The following SNRPC variants were observed in gnomAD, a reference collection of about 807,000 sequenced individuals.
SNRPC encodes the protein U1 small nuclear ribonucleoprotein C.
A neutral mutation model predicts 20.0 loss-of-function variants in SNRPC; 5 were observed. That is an observed-to-expected ratio of 0.25 (90% CI 0.13 to 0.53). The LOEUF (loss-of-function observed/expected upper bound fraction) is 0.53. SNRPC is among the 20% of genes least tolerant of loss of function. SNRPC has a pLI of 0.96. For synonymous variants in SNRPC, 61 were observed against 58.7 expected (o/e 1.04, Z -0.18); for missense variants, 112 against 224.1 (o/e 0.50, Z 3.19).
chr6:34,771,328 C>CAA (rs774284128), intron 5 of SNRPC, among the ~76,000 whole-genome samples: 18 of 63,608 alleles, frequency 2.8e-4, no homozygotes, highest in Non-Finnish European at 4.4e-4. Context: ...GACTGTGTCT[C>CAA]AAAAAAAAAA....
At chr6:34,764,707 T>C (rs935249549) in intron 3 of SNRPC, among the ~76,000 whole-genome samples, 2 of 151,526 alleles carry the variant, frequency 1.3e-5, no homozygotes, top group African/African-American at 2.4e-5. Flanking sequence ...GCAAAACTAT[T>C]GTGGAAATTT....
At chr6:34,768,447 A>G (rs1484066317) in intron 4 of SNRPC, among the ~76,000 whole-genome samples, 1 of 152,156 alleles carries the variant, frequency 6.6e-6, no homozygotes, top group Non-Finnish European at 1.5e-5. Flanking sequence ...ACCAAAATCT[A>G]TACCTTAGAA....
intron 2 of SNRPC, among the ~76,000 whole-genome samples, chr6:34,761,520 T>A (rs1764535535): frequency 7.1e-6 from 1 of 140,642 alleles, no homozygotes; most frequent in Admixed American, 7.1e-5. Context: ...ACAATTTTTT[T>A]TTTTTTTTTT....
intron 5 of SNRPC, among the ~76,000 whole-genome samples, chr6:34,772,779 T>G (rs1764706279): frequency 6.6e-6 from 1 of 152,022 alleles, no homozygotes; most frequent in African/African-American, 2.4e-5. Flanking sequence ...CTGCCTGCCC[T>G]CCCCTCCCTG....
At chr6:34,764,569 A>G (rs1764589815) in intron 3 of SNRPC, among the ~76,000 whole-genome samples, 1 of 152,004 alleles carries the variant, frequency 6.6e-6, no homozygotes, top group South Asian at 2.1e-4. Context: ...AGACTGAGGC[A>G]GGAGAATCGC....
At chr6:34,761,705 G>A (rs1764539958) in intron 2 of SNRPC, among the ~76,000 whole-genome samples, 1 of 150,706 alleles carries the variant, frequency 6.6e-6, no homozygotes, top group South Asian at 2.1e-4. Flanking sequence ...GCAGAGACGA[G>A]GTTTCACCAT....
chr6:34,757,794 G>C (rs1210223844), intron 1 of SNRPC, 118 bp from the exon 2 acceptor site: 1 of 1,598,202 alleles, frequency 6.3e-7, no homozygotes, highest in African/African-American at 1.4e-5. Flanking sequence ...TGAGTCGTGA[G>C]GCGGTCTGGC....
At position 34,762,542 on chromosome 6, in the gene SNRPC, T is replaced by G. The variant is rs534193959; in HGVS notation, c.52-53T>G. On this transcript the variant is annotated intron_variant, in intron 2 of 5. Coordinates refer to ENST00000244520, the MANE Select transcript of SNRPC (RefSeq NM_003093.3). ...ATATAAAGGTAAAACTTTATTAAAT[T>G]TTTAGTGTTGGACATTTGTTTCTAC... 47 of 946,624 alleles carry G rather than the reference T, an allele frequency of 5.0e-5. No individual in the cohort carries two copies. The South Asian group carries it at 5.4e-4, about 11-fold the overall frequency. 58.6% of individuals were successfully genotyped at this position (946,624 alleles called of 1,614,324 possible).
chr6:34,765,865 AGTAG>A (rs1487496272), intron 3 of SNRPC, among the ~76,000 whole-genome samples: 2 of 151,902 alleles, frequency 1.3e-5, no homozygotes, highest in African/African-American at 4.8e-5. Flanking sequence ...TGGCCTCCTG[AGTAG>A]GTAGGGCTAC....
rs151334922 is a variant in SNRPC, at chr6:34,769,921, T to C, written c.251-370T>C. ...AGGAGTTCATGAGATCCTTTTAGTTTGATTAAGAAGAGAAAATGTTGCTGG... is the reference window on the plus strand; with the variant it reads ...AGGAGTTCATGAGATCCTTTTAGTTCGATTAAGAAGAGAAAATGTTGCTGG... On this transcript the variant is annotated intron_variant, in intron 4 of 5. Coordinates refer to ENST00000244520, the MANE Select transcript of SNRPC (RefSeq NM_003093.3). Among the ~76,000 whole-genome samples, 1,118 of 152,256 alleles carry C rather than the reference T, an allele frequency of 7.3e-3. 21 individuals are homozygous for C. The highest frequency in any genetic ancestry group is 0.026 in the African/African-American group (1,063 of 41,550).
intron 2 of SNRPC, among the ~76,000 whole-genome samples, chr6:34,762,105 ACCAGAAT>A (rs1764545055): frequency 1.3e-5 from 2 of 152,068 alleles, no homozygotes; most frequent in Non-Finnish European, 2.9e-5. Context: ...GGGGTTTGAG[ACCAGAAT>A]GGGCAACATT....
rs369712906 is a variant in SNRPC, at chr6:34,757,895, C to T, written c.9-17C>T. 14 of 1,613,174 alleles carry T rather than the reference C, an allele frequency of 8.7e-6. No homozygotes were observed. The highest frequency in any genetic ancestry group is 1.6e-4 in the Middle Eastern group (1 of 6,084). On this transcript the variant is annotated splice_polypyrimidine_tract_variant and intron_variant, in intron 1 of 5. Coordinates refer to ENST00000244520, the MANE Select transcript of SNRPC (RefSeq NM_003093.3). ...CAGTGGTTGTCGTCTTTTTCTCTTC[C>T]TTTCACCTCTTTTCAGGTTTTATTG...
At position 34,757,508 on chromosome 6, in the gene SNRPC, TC is replaced by T. The variant is rs1764467377; in HGVS notation, c.-35del. On this transcript the variant is annotated 5_prime_UTR_variant, in exon 1 of 6. Transcript: ENST00000244520. ...TGGCTGTGCGCGTCATTTCCGGGCG[TC>T]ACGTAACGGAGTGGCCAACGGCCTG... The T allele has an allele frequency of 2.5e-6, 4 of 1,611,178 alleles. No homozygotes were observed. The highest frequency in any genetic ancestry group is 3.4e-6 in the Non-Finnish European group (4 of 1,177,442).
At chr6:34,765,499 C>T (rs1041027712) in intron 3 of SNRPC, among the ~76,000 whole-genome samples, 4 of 151,920 alleles carry the variant, frequency 2.6e-5, no homozygotes, top group Admixed American at 6.6e-5. Context: ...TGCAGTGGCA[C>T]GATCTCAGCT....
intron 3 of SNRPC, among the ~76,000 whole-genome samples, chr6:34,764,519 C>T (rs1764588758): frequency 1.3e-5 from 2 of 150,374 alleles, no homozygotes; most frequent in South Asian, 2.1e-4. Context: ...AAAATTCAGA[C>T]GGGCATGGTG....
At chr6:34,757,594 T>C (rs2127405025) in intron 1 of SNRPC, 43 bp downstream of exon 1, 2 of 1,600,016 alleles carry the variant, frequency 1.2e-6, no homozygotes, top group Non-Finnish European at 8.6e-7. Flanking sequence ...TAGTCACTAG[T>C]TGTGGCCCCC....
At position 34,772,052 on chromosome 6, in the gene SNRPC, G is replaced by A. The variant is rs150351872; in HGVS notation, c.356-1394G>A. ...TTTTGTTTTCTGTTTTTTCAAACCA[G>A]GATAAAATGATAAGATTGTGGGATT... On this transcript the variant is annotated intron_variant, in intron 5 of 5. Coordinates refer to ENST00000244520, the MANE Select transcript of SNRPC (RefSeq NM_003093.3). Among the ~76,000 whole-genome samples the A allele has an allele frequency of 6.8e-4, 103 of 152,248 alleles. 1 individual carries two copies. Among genetic ancestry groups the A allele is most frequent in the Non-Finnish European group, 1.0e-3 (71 of 68,008 alleles).
intron 2 of SNRPC, among the ~76,000 whole-genome samples, chr6:34,760,791 G>T (rs548348368): frequency 7.9e-5 from 12 of 152,116 alleles, no homozygotes; most frequent in Admixed American, 4.6e-4. Context: ...GCTTACACCT[G>T]TAATCCCAGC....
rs1440997480 is a variant in SNRPC at position 34,773,687 on chromosome 6, T to A, written c.*117T>A. On this transcript the variant is annotated 3_prime_UTR_variant, in exon 6 of 6. Coordinates refer to ENST00000244520, the MANE Select transcript of SNRPC (RefSeq NM_003093.3). This position sits in a 1 kb window ranked among gnomAD's most constrained non-coding sequence, Gnocchi z 4.1. ...AGCATAAGGAAGACTTGCTCCCCTG[T>A]CCTATGAAAGAGAATAGTTTTGGAG... The A allele has an allele frequency of 2.4e-6, 2 of 850,002 alleles. No homozygotes were observed. Among genetic ancestry groups the A allele is most frequent in the African/African-American group, 3.3e-5 (2 of 60,066 alleles). The allele number at this position is 850,002 out of a possible 1,614,324, so 52.7% of individuals were successfully genotyped here. A position where few individuals can be genotyped will look rare whatever the true frequency, so the allele number is the denominator to read the frequency against.
Sources: allele counts gnomAD v4.1 joint callset (sites outside exome capture counted in the v4.1 genomes callset), GRCh38; gene constraint gnomAD v4.1.1; non-coding constraint Gnocchi (gnomAD v3.1); transcripts MANE v1.5; gene names NCBI Gene and HGNC (gene_info 2026-07-23, HGNC 2026-07-21).